KLHDC4: variants seen among roughly 807,000 people sequenced by gnomAD.
The protein encoded by KLHDC4 is kelch domain containing 4, also known as kelch domain-containing protein 4.
KLHDC4 carries 90 observed loss-of-function variants against 62.4 expected under a neutral mutation model. The ratio of observed to expected loss-of-function variants is 1.44; its 90% CI spans 1.22 to 1.72. The LOEUF (loss-of-function observed/expected upper bound fraction) is 1.72. KLHDC4 is among the 40% of genes most tolerant of loss of function. The pLI is 0.00. For missense variants in KLHDC4, 1,025 were observed against 699.7 expected, an observed-to-expected ratio of 1.47 and a Z score of -5.25; for synonymous variants, 386 against 284.4, an observed-to-expected ratio of 1.36 and a Z score of -3.59.
intron 4 of KLHDC4, 74 bp from the exon 5 acceptor site, chr16:87,748,883 G>A (rs923435344): frequency 1.9e-6 from 3 of 1,572,168 alleles, no homozygotes; most frequent in Admixed American, 1.7e-5. Flanking sequence ...GACCGGTAGT[G>A]GTGAGCGCTT....
At chr16:87,738,668 TCCACACACCAGCACC>T in intron 5 of KLHDC4, among the ~76,000 whole-genome samples, 1 of 95,868 alleles carries the variant, frequency 1.0e-5, no homozygotes, top group East Asian at 4.0e-4. Flanking sequence ...ATCTCATCCA[TCCACACACCAGCACC>T]TCATCCATCC....
At chr16:87,717,601 T>A (rs1302620837) in intron 7 of KLHDC4, among the ~76,000 whole-genome samples, 1 of 152,212 alleles carries the variant, frequency 6.6e-6, no homozygotes, top group Non-Finnish European at 1.5e-5. Context: ...TTTCTGCACA[T>A]TACAGACAGT....
intron 6 of KLHDC4, 59 bp downstream of exon 6, chr16:87,730,493 T>TA: frequency 1.5e-6 from 2 of 1,366,336 alleles, no homozygotes; most frequent in Non-Finnish European, 2.0e-6. Context: ...GCTCTTTCTA[T>TA]AAAAAGCCCA....
At chr16:87,745,902 G>C (rs1254925082) in intron 5 of KLHDC4, among the ~76,000 whole-genome samples, 1 of 152,168 alleles carries the variant, frequency 6.6e-6, no homozygotes, top group Non-Finnish European at 1.5e-5. Flanking sequence ...CTCAACATTA[G>C]GCATCTCCCA....
rs2034991630 is a variant in KLHDC4, at chr16:87,708,052, C to T, written c.*25G>A. 1 of 540,234 alleles carries T rather than the reference C, an allele frequency of 1.9e-6. No individual in the cohort carries two copies. Among genetic ancestry groups the T allele is most frequent in the Admixed American group, 2.2e-5 (1 of 44,798 alleles). 33.5% of individuals were successfully genotyped at this position (540,234 alleles called of 1,614,324 possible). On this transcript the variant is annotated 3_prime_UTR_variant, in exon 12 of 12. Transcript: ENST00000270583. ...GGGCGGACGTGGGCACAGCACTTGC[C>T]AGGCGCCCCTGGCAGGGGCTCTTCT...
At chr16:87,762,064 G>T in intron 1 of KLHDC4, 24 bp from the exon 2 acceptor site, 1 of 1,610,694 alleles carries the variant, frequency 6.2e-7, no homozygotes, top group Admixed American at 1.7e-5. Flanking sequence ...GCAGGCACAC[G>T]TGAGACTTAT....
intron 5 of KLHDC4, among the ~76,000 whole-genome samples, chr16:87,743,718 A>G (rs1037703379): frequency 6.6e-6 from 1 of 151,934 alleles, no homozygotes; most frequent in Non-Finnish European, 1.5e-5. Context: ...CCAGCCTGGG[A>G]GACAGAGCGC....
At position 87,755,213 on chromosome 16, in the gene KLHDC4, G is replaced by T; in HGVS notation, c.350C>A (p.Pro117Gln). ...CATTACCTGGTGAGCACAGCGCCTC[G>T]GAGGTGGACTGGGGATGTCAACTTT... ...WTKVDIPSPPPRRCAHQAVVV... is the reference protein window; with the variant it reads ...WTKVDIPSPPQRRCAHQAVVV... The change falls in exon 4 of 12, where the codon CCG (proline) becomes CAG (glutamine). Residue 117 changes from proline (P) to glutamine (Q), a missense_variant. Transcript: ENST00000270583. 1 of 1,609,962 alleles carries T rather than the reference G, an allele frequency of 6.2e-7. No individual in the cohort carries two copies. Among genetic ancestry groups the T allele is most frequent in the East Asian group, 2.2e-5 (1 of 44,850 alleles).
In KLHDC4 at chr16:87,745,932, G is replaced by A. The variant is rs143860461; in HGVS notation, c.506+2741C>T. Among the ~76,000 whole-genome samples, 376 of 152,242 alleles carry A rather than the reference G, an allele frequency of 2.5e-3. 1 individual carries two copies. The highest frequency in any genetic ancestry group is 8.4e-3 in the African/African-American group (351 of 41,544). ...CTCCCAATCACAAATACATTAAGCA[G>A]CAGTAACCGAATCCTGCTGAGCAGT... On this transcript the variant is annotated intron_variant, in intron 5 of 11. Coordinates refer to ENST00000270583, the MANE Select transcript of KLHDC4 (RefSeq NM_017566.4).
At chr16:87,709,865 C>G (rs568869258) in intron 9 of KLHDC4, 198 bp from the exon 10 acceptor site, 1 of 640,218 alleles carries the variant, frequency 1.6e-6, no homozygotes, top group East Asian at 2.8e-5. Context: ...TCCCACTAGC[C>G]TCGCCGTTCA....
chr16:87,727,824 G>C (rs1319031454), intron 6 of KLHDC4, among the ~76,000 whole-genome samples: 2 of 152,166 alleles, frequency 1.3e-5, no homozygotes, highest in African/African-American at 4.8e-5. Flanking sequence ...TCTCCTGTTT[G>C]TTCCTGTTTT....
chr16:87,730,416 G>A (rs2040140224), intron 6 of KLHDC4, 136 bp downstream of exon 6: 1 of 696,122 alleles, frequency 1.4e-6, no homozygotes, highest in Admixed American at 3.1e-5. Flanking sequence ...AAGGCCCTGT[G>A]TGGCTGCCCA....
At chr16:87,757,795 G>C (rs1310283760) in intron 2 of KLHDC4, among the ~76,000 whole-genome samples, 1 of 152,124 alleles carries the variant, frequency 6.6e-6, no homozygotes. Flanking sequence ...AGGAGGCTGA[G>C]GCAGGAGGAT....
At chr16:87,741,105 G>A (rs772406081) in intron 5 of KLHDC4, 4 of 152,224 alleles carry the variant, frequency 2.6e-5, no homozygotes, top group Non-Finnish European at 5.9e-5. Flanking sequence ...TTGCTAGAAT[G>A]GAGAAGATGA....
intron 5 of KLHDC4, among the ~76,000 whole-genome samples, chr16:87,731,985 G>A (rs185622541): frequency 5.9e-5 from 9 of 152,326 alleles, no homozygotes; most frequent in African/African-American, 1.7e-4. Context: ...ATCCGTCTTC[G>A]GCCCAGGATA....
intron 3 of KLHDC4, 95 bp downstream of exon 3, chr16:87,756,304 G>T: frequency 1.1e-6 from 1 of 910,506 alleles, no homozygotes; most frequent in African/African-American, 1.6e-5. Context: ...GGGGTGAAGG[G>T]GCTAACGCAT....
intron 7 of KLHDC4, among the ~76,000 whole-genome samples, chr16:87,719,113 G>A (rs1174420323): frequency 3.3e-5 from 5 of 150,266 alleles, no homozygotes; most frequent in Admixed American, 6.6e-5. Context: ...GCCTCTGCCC[G>A]GCTGCCCCGT....
At position 87,748,633 on chromosome 16, in the gene KLHDC4, G is replaced by A. The variant is rs773308262; in HGVS notation, c.506+40C>T. The A allele has an allele frequency of 2.5e-6, 4 of 1,612,342 alleles. No homozygotes were observed. The African/African-American group carries it at 4.0e-5, about 16-fold the overall frequency. On this transcript the variant is annotated intron_variant, in intron 5 of 11. Coordinates refer to ENST00000270583, the MANE Select transcript of KLHDC4 (RefSeq NM_017566.4). ...TCGGGCTCAGCACACAAGCACAGAAGAGCCATGCCCGGAGCTCAGCTTCTC... is the reference window on the plus strand; with the variant it reads ...TCGGGCTCAGCACACAAGCACAGAAAAGCCATGCCCGGAGCTCAGCTTCTC...
At chr16:87,749,668 C>A (rs926306258) in intron 4 of KLHDC4, among the ~76,000 whole-genome samples, 1 of 152,136 alleles carries the variant, frequency 6.6e-6, no homozygotes, top group Non-Finnish European at 1.5e-5. Context: ...ACTGCAGCCT[C>A]GACCTCATGG....
Sources: gnomAD v4.1 joint callset for allele counts (sites outside exome capture counted in the v4.1 genomes callset) on GRCh38, gnomAD v4.1.1 for gene constraint, MANE v1.5 for transcripts, NCBI Gene and HGNC (gene_info 2026-07-23, HGNC 2026-07-21) for gene names.